PATJ: variants seen among roughly 807,000 people sequenced by gnomAD.
PATJ encodes the protein PATJ crumbs cell polarity complex component.
A neutral mutation model predicts 224.9 loss-of-function variants in PATJ; 190 were observed. That is an observed-to-expected ratio of 0.84 (90% CI 0.75 to 0.95). The LOEUF (loss-of-function observed/expected upper bound fraction) is 0.95, where lower values mean the gene tolerates loss of function less well. PATJ is among the 40% of genes least tolerant of loss of function. PATJ has a pLI of 0.00. For missense variants in PATJ, 2,121 were observed against 2,270.3 expected, an observed-to-expected ratio of 0.93 and a Z score of 1.34; for synonymous variants, 769 against 820.3, an observed-to-expected ratio of 0.94 and a Z score of 1.07.
At chr1:62,036,787 G>A (rs1001917962) in intron 29 of PATJ, among the ~76,000 whole-genome samples, 15 of 145,630 alleles carry the variant, frequency 1.0e-4, no homozygotes, top group Admixed American at 6.9e-5. Context: ...CAGGAAAATC[G>A]ATTGAACCCA....
At chr1:61,968,972 A>G (rs1682562767) in intron 27 of PATJ, among the ~76,000 whole-genome samples, 1 of 152,204 alleles carries the variant, frequency 6.6e-6, no homozygotes, top group Non-Finnish European at 1.5e-5. Context: ...GTGGAATCAT[A>G]TTGCATTGTG....
At chr1:62,039,243 T>C (rs1202940133) in intron 30 of PATJ, 1 of 350,052 alleles carries the variant, frequency 2.9e-6, no homozygotes, top group African/African-American at 2.1e-5. Context: ...TTCTATTTAC[T>C]TAAGAGTAAA....
intron 31 of PATJ, among the ~76,000 whole-genome samples, chr1:62,054,946 T>C (rs553981388): frequency 6.6e-6 from 1 of 152,056 alleles, no homozygotes; most frequent in East Asian, 1.9e-4. Flanking sequence ...TCCCAGCTAC[T>C]TGGGAGGCTG....
intron 34 of PATJ, among the ~76,000 whole-genome samples, chr1:62,109,216 T>C (rs1663506932): frequency 6.6e-6 from 1 of 152,086 alleles, no homozygotes; most frequent in Non-Finnish European, 1.5e-5. Context: ...CCACGTTTTT[T>C]TTTTTTTCAT....
chr1:61,785,437 C>T (rs1247561919), intron 7 of PATJ, among the ~76,000 whole-genome samples: 1 of 152,174 alleles, frequency 6.6e-6, no homozygotes, highest in Non-Finnish European at 1.5e-5. Flanking sequence ...CTTCGGTGAG[C>T]AACTTGGATT....
intron 30 of PATJ, among the ~76,000 whole-genome samples, chr1:62,048,565 AAAAAAG>A (rs1558092535): frequency 6.7e-6 from 1 of 149,912 alleles, no homozygotes; most frequent in African/African-American, 2.4e-5. Context: ...AAAAAAAAAA[AAAAAAG>A]AAAAAGAAAG....
At chr1:62,059,988 T>G (rs950504421) in intron 31 of PATJ, among the ~76,000 whole-genome samples, 11 of 152,188 alleles carry the variant, frequency 7.2e-5, no homozygotes, top group Admixed American at 6.6e-4. Context: ...AGAGCAGATT[T>G]GTGTGGGAAG....
At chr1:61,981,771 A>C (rs1644464531) in intron 27 of PATJ, among the ~76,000 whole-genome samples, 1 of 151,508 alleles carries the variant, frequency 6.6e-6, no homozygotes, top group African/African-American at 2.4e-5. Flanking sequence ...TCCCAGATTC[A>C]AGCGATTCTC....
chr1:61,960,459 C>T (rs1047435176), intron 27 of PATJ, among the ~76,000 whole-genome samples: 15 of 151,974 alleles, frequency 9.9e-5, no homozygotes, highest in African/African-American at 3.1e-4. Context: ...GTCAGGAGTT[C>T]GAGACCAGCC....
chr1:62,099,353 T>C (rs1377125689), intron 33 of PATJ, among the ~76,000 whole-genome samples: 1 of 97,338 alleles, frequency 1.0e-5, no homozygotes, highest in East Asian at 2.2e-4. Flanking sequence ...CCAACTTTTT[T>C]TTTTTTTTTT....
chr1:62,045,275 C>T (rs543007886), intron 30 of PATJ, among the ~76,000 whole-genome samples: 6 of 151,210 alleles, frequency 4.0e-5, no homozygotes, highest in Admixed American at 6.6e-5. Flanking sequence ...ACATCCTTAA[C>T]GAATTTAACT....
At position 62,054,088 on chromosome 1, in the gene PATJ, A is replaced by C. The variant is rs143246625; in HGVS notation, c.4125+3030A>C. The stretch of plus-strand genomic sequence containing the variant: ...GTAGGTAAAAATTTCATATGGTTCA[A>C]CCTAACATATACATAAATGTCATTG... On this transcript the variant is annotated intron_variant, in intron 31 of 43. Transcript: ENST00000642238. 3.2e-3 allele frequency among the ~76,000 whole-genome samples: 490 copies of C among 152,206 alleles called. 1 individual carries two copies. Among genetic ancestry groups the C allele is most frequent in the Non-Finnish European group, 4.9e-3 (336 of 68,008 alleles).
At chr1:61,982,655 A>G (rs1229019293) in intron 27 of PATJ, among the ~76,000 whole-genome samples, 3 of 151,304 alleles carry the variant, frequency 2.0e-5, no homozygotes, top group Admixed American at 6.6e-5. Context: ...TTAAAATGAT[A>G]TTGGAGAATT....
At chr1:62,005,954 G>A (rs779978265) in intron 28 of PATJ, among the ~76,000 whole-genome samples, 5 of 152,130 alleles carry the variant, frequency 3.3e-5, no homozygotes, top group Non-Finnish European at 7.4e-5. Flanking sequence ...CACACCTCAG[G>A]CAAATCTATT....
Position 61,901,429 on chromosome 1 carries a change from C to T in PATJ, c.3351C>T (p.Asn1117=), listed in dbSNP as rs746999831. ...AAGACAGTCCAGCAGGGAAGACGAA[C>T]GCACTTAAAACTGGAGATAAAATAC... ...VLEDSPAGKT[N]ALKTGDKILE... is the part of the protein sequence containing the mutation. The change falls in exon 24 of 44, where the codon AAC becomes AAT. Residue 1117 remains asparagine, a synonymous_variant. Coordinates refer to ENST00000642238, the MANE Select transcript of PATJ (RefSeq NM_001350145.3). 1.4e-5 allele frequency: 22 copies of T among 1,582,132 alleles called. No homozygotes were observed. Among genetic ancestry groups the T allele is most frequent in the Admixed American group, 7.8e-5 (4 of 51,372 alleles).
chr1:61,891,580 G>T (rs80239846), intron 22 of PATJ, among the ~76,000 whole-genome samples: 3 of 152,236 alleles, frequency 2.0e-5, no homozygotes, highest in Admixed American at 6.5e-5. Flanking sequence ...GCAGATGAAG[G>T]CGAATGTGAA....
chr1:62,161,076 T>C lies in PATJ; in HGVS notation c.*22T>C. ...ATGAGCCTCGGGCCTGATCACAAGA[T>C]AGATGTTGTTGTTTAGAATATCCAC... On this transcript the variant is annotated 3_prime_UTR_variant, in exon 44 of 44. Coordinates refer to ENST00000642238, the MANE Select transcript of PATJ (RefSeq NM_001350145.3). The C allele has an allele frequency of 7.1e-7, 1 of 1,413,662 alleles. No individual in the cohort carries two copies. The highest frequency in any genetic ancestry group is 9.2e-7 in the Non-Finnish European group (1 of 1,081,952). The allele number at this position is 1,413,662 out of a possible 1,614,324, so 87.6% of individuals were successfully genotyped here.
intron 11 of PATJ, among the ~76,000 whole-genome samples, chr1:61,801,351 T>C (rs557587999): frequency 3.9e-4 from 59 of 152,356 alleles, no homozygotes; most frequent in African/African-American, 1.4e-3. Flanking sequence ...CATTTTTTCA[T>C]GTGTCTTCCC....
chr1:62,118,450 G>T (rs1401230751), intron 37 of PATJ, among the ~76,000 whole-genome samples: 2 of 152,078 alleles, frequency 1.3e-5, no homozygotes, highest in African/African-American at 4.8e-5. Context: ...ACTCCAAATG[G>T]AGTTTGGGGA....
Sources: allele counts gnomAD v4.1 joint callset (sites outside exome capture counted in the v4.1 genomes callset), GRCh38; gene constraint gnomAD v4.1.1; transcripts MANE v1.5; gene names NCBI Gene and HGNC (gene_info 2026-07-23, HGNC 2026-07-21).